Variants in DDI2 observed in about 807,000 individuals in gnomAD.
DDI2 encodes protein DDI1 homolog 2.
A neutral mutation model predicts 48.1 loss-of-function variants in DDI2; 5 were observed. That is an observed-to-expected ratio of 0.10 (90% confidence interval 0.05 to 0.22). The LOEUF is 0.22. Among genes scored for constraint, DDI2 ranks in the 10% least tolerant of loss-of-function variants. The pLI is 1.00. For synonymous variants in DDI2, 205 were observed against 183.6 expected (o/e 1.12, Z -0.94); for missense variants, 285 against 506.2 (o/e 0.56, Z 4.19).
At chr1:15,618,350 A>T (rs1639599857) in intron 1 of DDI2, among the ~76,000 whole-genome samples, 1 of 151,650 alleles carries the variant, frequency 6.6e-6, no homozygotes, top group African/African-American at 2.4e-5. Flanking sequence ...AAAAAGTTTA[A>T]GACTTGCACT....
intron 1 of DDI2, 125 bp downstream of exon 1, chr1:15,617,933 G>A: frequency 7.6e-7 from 1 of 1,321,594 alleles, no homozygotes. Flanking sequence ...CCATTCTCAG[G>A]TCACCCCCGC....
At chr1:15,623,904 CA>C (rs1253070899) in intron 1 of DDI2, among the ~76,000 whole-genome samples, 8 of 148,604 alleles carry the variant, frequency 5.4e-5, no homozygotes, top group East Asian at 2.0e-4. Context: ...ACAAAAAATA[CA>C]AAAAAAAAAT....
At chr1:15,626,594 G>A in intron 1 of DDI2, 75 bp from the exon 2 acceptor site, 1 of 1,583,198 alleles carries the variant, frequency 6.3e-7, no homozygotes, top group Non-Finnish European at 8.6e-7. Context: ...TGATTCAGGG[G>A]AAAACTGGTC....
intron 8 of DDI2, chr1:15,656,307 G>A (rs1640272842): frequency 1.2e-5 from 10 of 804,244 alleles, no homozygotes; most frequent in South Asian, 7.2e-5. Context: ...CACCTAATTC[G>A]ATCAGGTGGA....
chr1:15,656,730 T>G (rs1640278533), intron 9 of DDI2, 51 bp downstream of exon 9: 7 of 1,609,742 alleles, frequency 4.3e-6, no homozygotes, highest in Non-Finnish European at 5.1e-6. Context: ...ATCTGTGATC[T>G]GACAGTCTGT....
intron 7 of DDI2, among the ~76,000 whole-genome samples, chr1:15,650,232 T>C (rs1228424108): frequency 6.6e-6 from 1 of 152,210 alleles, no homozygotes; most frequent in Non-Finnish European, 1.5e-5. Flanking sequence ...AAGGTATATG[T>C]TGGGAGTGAA....
At chr1:15,656,846 A>G in intron 9 of DDI2, 167 bp downstream of exon 9, 1 of 840,746 alleles carries the variant, frequency 1.2e-6, no homozygotes, top group Non-Finnish European at 1.8e-6. Context: ...GCATACATGG[A>G]TATGTAACAT....
chr1:15,645,078 C>G (rs1251817707), intron 6 of DDI2, among the ~76,000 whole-genome samples: 1 of 152,058 alleles, frequency 6.6e-6, no homozygotes, highest in African/African-American at 2.4e-5. Context: ...TTAGTAGAGA[C>G]GAGGTTTCTC....
At chr1:15,636,483 CA>C (rs535778372) in intron 4 of DDI2, among the ~76,000 whole-genome samples, 170 of 142,056 alleles carry the variant, frequency 1.2e-3, no homozygotes, top group East Asian at 1.5e-3. Context: ...TAAAACAGGG[CA>C]AAAAAAAAAA....
intron 4 of DDI2, chr1:15,633,855 C>T (rs751044487): frequency 3.9e-5 from 18 of 466,554 alleles, no homozygotes; most frequent in Non-Finnish European, 6.8e-5. Context: ...AAATGACCCC[C>T]GGACTGAGCA....
intron 5 of DDI2, among the ~76,000 whole-genome samples, chr1:15,641,954 TCA>T (rs1491548741): frequency 2.1e-4 from 11 of 51,536 alleles, no homozygotes; most frequent in African/African-American, 7.9e-4. Context: ...AAATTCAGTC[TCA>T]AAAAAAAAAA....
At chr1:15,656,708 C>T (rs531886794) in intron 9 of DDI2, 29 bp downstream of exon 9, 38 of 1,612,820 alleles carry the variant, frequency 2.4e-5, no homozygotes, top group Non-Finnish European at 3.1e-5. Context: ...TTAAGCCTTC[C>T]ATCCAGTTGT....
At chr1:15,642,242 T>G (rs564903718) in intron 5 of DDI2, among the ~76,000 whole-genome samples, 3 of 152,316 alleles carry the variant, frequency 2.0e-5, no homozygotes, top group East Asian at 1.9e-4. Flanking sequence ...CTGTAAAGAT[T>G]ACAGAAGCGA....
At chr1:15,657,465 TATCCACTGTCCTCA>T (rs1640289169) in intron 9 of DDI2, among the ~76,000 whole-genome samples, 1 of 152,256 alleles carries the variant, frequency 6.6e-6, no homozygotes, top group Admixed American at 6.5e-5. Flanking sequence ...TTATTCTTAA[TATCCACTGTCCTCA>T]TCCTCTTCTC....
chr1:15,619,875 CAG>C (rs1639630471), intron 1 of DDI2, among the ~76,000 whole-genome samples: 1 of 152,028 alleles, frequency 6.6e-6, no homozygotes, highest in South Asian at 2.1e-4. Flanking sequence ...TGGGAAAAGA[CAG>C]AGGTTGAGGT....
At position 15,663,405 on chromosome 1, in the gene DDI2, G is replaced by C. The variant is rs139215022; in HGVS notation, c.*3615G>C. The C allele has an allele frequency of 6.6e-6, 1 of 152,284 alleles. No individual in the cohort carries two copies. The highest frequency in any genetic ancestry group is 1.9e-4 in the East Asian group (1 of 5,194). 9.4% of individuals were successfully genotyped at this position (152,284 alleles called of 1,614,324 possible). ...CTTTTGCTATGATGTTTGTATGTAT[G>C]TTATAAGACTTTAGTGATGGGATGG... is the stretch of plus-strand genomic sequence containing the variant. On this transcript the variant is annotated 3_prime_UTR_variant, in exon 10 of 10. Coordinates refer to ENST00000480945, the MANE Select transcript of DDI2 (RefSeq NM_032341.5).
chr1:15,617,686 T>A lies in DDI2; in HGVS notation c.16T>A (p.Tyr6Asn). The change falls in exon 1 of 10, where the codon TAC becomes AAC. Residue 6 changes from tyrosine to asparagine, a missense_variant. Tyr to Asn is a moderately radical substitution (Grantham distance 143, BLOSUM62 -2). This residue lies in a region of DDI2 where 149 missense variants were observed against 236.5 expected (regional missense o/e 0.63). Coordinates refer to ENST00000480945, the MANE Select transcript of DDI2 (RefSeq NM_032341.5). ...GGCCCGGGCCATGCTGCTCACCGTGTACTGTGTGCGGAGGGACCTCTCCGA... is the reference window on the plus strand; with the variant it reads ...GGCCCGGGCCATGCTGCTCACCGTGAACTGTGTGCGGAGGGACCTCTCCGA... Reference protein sequence around the residue: MLLTVYCVRRDLSEVT... With the variant: MLLTVNCVRRDLSEVT... 1 of 1,600,984 alleles carries A rather than the reference T, an allele frequency of 6.2e-7. No individual in the cohort carries two copies. The highest frequency in any genetic ancestry group is 8.5e-7 in the Non-Finnish European group (1 of 1,173,822).
intron 2 of DDI2, among the ~76,000 whole-genome samples, chr1:15,627,721 A>G (rs1335759561): frequency 2.0e-5 from 3 of 152,220 alleles, no homozygotes; most frequent in Non-Finnish European, 4.4e-5. Context: ...ATTCGCTGCC[A>G]TATTCAGATA....
At position 15,668,236 on chromosome 1, in the gene DDI2, G is replaced by A. The variant is rs1268615653; in HGVS notation, c.*8446G>A. On this transcript the variant is annotated 3_prime_UTR_variant, in exon 10 of 10. Coordinates refer to ENST00000480945, the MANE Select transcript of DDI2 (RefSeq NM_032341.5). ...AATGGTAGACCTGTATTTCCTTCCC[G>A]AGGCAGGCTGATTCGTTTCCTGATT... 6.6e-6 allele frequency: 1 copy of A among 152,074 alleles called. No homozygotes were observed. Among genetic ancestry groups the A allele is most frequent in the Non-Finnish European group, 1.5e-5 (1 of 68,018 alleles). 9.4% of individuals were successfully genotyped at this position (152,074 alleles called of 1,614,324 possible).
Sources: gnomAD v4.1 joint callset for allele counts (sites outside exome capture counted in the v4.1 genomes callset) on GRCh38, gnomAD v4.1.1 for gene constraint, gnomAD v4.1.1 regional missense constraint, MANE v1.5 for transcripts, NCBI Gene and HGNC (gene_info 2026-07-23, HGNC 2026-07-21) for gene names.